Variants in SESTD1 observed in about 807,000 individuals in gnomAD.
SESTD1 encodes SEC14 and spectrin domain containing 1.
SESTD1 carries 43 observed loss-of-function variants against 101.7 expected under a neutral mutation model. That is an observed-to-expected ratio of 0.42 (90% CI 0.33 to 0.55). The LOEUF is 0.55. Among genes scored for constraint, SESTD1 ranks in the 20% least tolerant of loss-of-function variants. The pLI is 0.07. For synonymous variants in SESTD1, 283 were observed against 286.8 expected (o/e 0.99, Z 0.13); for missense variants, 647 against 815.1 (o/e 0.79, Z 2.51).
At chr2:179,254,600 C>T (rs912713657) in intron 1 of SESTD1, among the ~76,000 whole-genome samples, 20 of 152,332 alleles carry the variant, frequency 1.3e-4, no homozygotes, top group African/African-American at 4.8e-4. Context: ...AGTATCCTTT[C>T]CCACTAATCC....
At chr2:179,140,529 T>C (rs1338557468) in intron 9 of SESTD1, among the ~76,000 whole-genome samples, 2 of 152,164 alleles carry the variant, frequency 1.3e-5, no homozygotes, top group Non-Finnish European at 2.9e-5. Context: ...ATCTCAGAAC[T>C]GCAAGAAAAT....
chr2:179,234,845 T>C (rs1408000067), intron 1 of SESTD1, among the ~76,000 whole-genome samples: 1 of 151,916 alleles, frequency 6.6e-6, no homozygotes, highest in Non-Finnish European at 1.5e-5. Context: ...ACAGTGGCTT[T>C]TGTCTGTAAT....
chr2:179,146,154 C>A (rs987677646), intron 8 of SESTD1, among the ~76,000 whole-genome samples: 7 of 151,984 alleles, frequency 4.6e-5, no homozygotes, highest in African/African-American at 7.3e-5. Context: ...GCGAGGGATC[C>A]AGGTTGTGTG....
chr2:179,144,036 T>C (rs1207444418), intron 8 of SESTD1, among the ~76,000 whole-genome samples: 1 of 152,088 alleles, frequency 6.6e-6, no homozygotes, highest in Non-Finnish European at 1.5e-5. Context: ...AGATAGTATA[T>C]TAAAATGCTA....
Position 179,132,379 on chromosome 2 carries a change from C to G in SESTD1, c.897G>C (p.Gln299His), listed in dbSNP as rs761447241. Residue 299 changes from glutamine to histidine, a missense_variant, in exon 10 of 18, where the codon CAG (glutamine) becomes CAC (histidine). Coordinates refer to ENST00000428443, the MANE Select transcript of SESTD1 (RefSeq NM_178123.5). ...EGPGSEQLRA[Q>H]WGIGDSIRAS... ...CCCTAATGGAGTCTCCAATGCCCCA[C>G]TGGGCTCTTAGTTGTTCTGATCCAG... is the stretch of plus-strand genomic sequence containing the variant. The G allele has an allele frequency of 3.2e-6, 5 of 1,567,892 alleles. No homozygotes were observed. The highest frequency in any genetic ancestry group is 1.2e-5 in the South Asian group (1 of 82,826).
chr2:179,198,714 AT>A (rs1269730921), intron 1 of SESTD1, among the ~76,000 whole-genome samples: 2 of 152,080 alleles, frequency 1.3e-5, no homozygotes, highest in Non-Finnish European at 2.9e-5. Flanking sequence ...TACTGGGTAC[AT>A]AACGAAATGA....
At chr2:179,188,238 A>G (rs2046264182) in intron 2 of SESTD1, among the ~76,000 whole-genome samples, 1 of 152,236 alleles carries the variant, frequency 6.6e-6, no homozygotes, top group African/African-American at 2.4e-5. Context: ...ATACTCTCAG[A>G]TCACAGTGTA....
chr2:179,243,946 A>G (rs146190691), intron 1 of SESTD1, among the ~76,000 whole-genome samples: 1,830 of 117,366 alleles, frequency 0.016, 17 homozygotes, highest in African/African-American at 0.036. Context: ...ATGTGTGTGT[A>G]TATATATATA....
At chr2:179,141,507 T>C (rs527573701) in intron 9 of SESTD1, among the ~76,000 whole-genome samples, 279 of 118,324 alleles carry the variant, frequency 2.4e-3, no homozygotes, top group Non-Finnish European at 3.8e-3. Context: ...ATTGTAGACA[T>C]TTTTTTTTTT....
At chr2:179,149,936 G>T (rs1277540660) in intron 6 of SESTD1, among the ~76,000 whole-genome samples, 1 of 152,142 alleles carries the variant, frequency 6.6e-6, no homozygotes, top group African/African-American at 2.4e-5. Flanking sequence ...TTTTAAATAT[G>T]GTGGAAATAG....
chr2:179,226,787 G>C (rs1238993889), intron 1 of SESTD1, among the ~76,000 whole-genome samples: 1 of 152,198 alleles, frequency 6.6e-6, no homozygotes. Flanking sequence ...TGTTGGCTAT[G>C]TCATTTGAAT....
At chr2:179,198,399 C>G (rs1282169024) in intron 1 of SESTD1, among the ~76,000 whole-genome samples, 3 of 152,114 alleles carry the variant, frequency 2.0e-5, no homozygotes, top group African/African-American at 7.2e-5. Context: ...AGATCAATGA[C>G]ACAGAAAGCC....
At chr2:179,184,319 C>T (rs561548516) in intron 2 of SESTD1, among the ~76,000 whole-genome samples, 36 of 152,148 alleles carry the variant, frequency 2.4e-4, no homozygotes, top group African/African-American at 8.4e-4. Flanking sequence ...TCCACATGAT[C>T]GCTAGACATC....
intron 7 of SESTD1, among the ~76,000 whole-genome samples, chr2:179,149,059 C>CAAAAAAAAAAAAAAAAAA (rs66636048): frequency 3.3e-5 from 2 of 60,410 alleles, no homozygotes; most frequent in African/African-American, 1.1e-4. Context: ...GACTCCGTCT[C>CAAAAAAAAAAAAAAAAAA]AAAAAAAAAA....
chr2:179,171,662 G>A (rs1218464461), intron 5 of SESTD1, among the ~76,000 whole-genome samples: 2 of 152,004 alleles, frequency 1.3e-5, no homozygotes, highest in East Asian at 3.8e-4. Context: ...ATCACACAAG[G>A]AAAGTAAAAG....
chr2:179,176,102 G>A (rs541694578), intron 4 of SESTD1, among the ~76,000 whole-genome samples: 26 of 152,286 alleles, frequency 1.7e-4, no homozygotes, highest in South Asian at 4.1e-4. Context: ...GGGTGCAAGA[G>A]GGAGAATGAT....
intron 1 of SESTD1, among the ~76,000 whole-genome samples, chr2:179,194,658 G>A (rs1479057086): frequency 1.3e-5 from 2 of 152,090 alleles, no homozygotes; most frequent in Admixed American, 1.3e-4. Context: ...TTATCAAGAG[G>A]GAGACCACAG....
intron 1 of SESTD1, among the ~76,000 whole-genome samples, chr2:179,225,006 T>G (rs954825598): frequency 1.3e-5 from 2 of 148,208 alleles, no homozygotes; most frequent in Non-Finnish European, 2.9e-5. Context: ...TTATAGCCAG[T>G]CAGTCAGTAA....
At chr2:179,248,180 G>C (rs1478427787) in intron 1 of SESTD1, among the ~76,000 whole-genome samples, 1 of 151,944 alleles carries the variant, frequency 6.6e-6, no homozygotes, top group Non-Finnish European at 1.5e-5. Flanking sequence ...CACATTTTTA[G>C]ACTAAATGGG....
Sources: allele counts gnomAD v4.1 joint callset (sites outside exome capture counted in the v4.1 genomes callset), GRCh38; gene constraint gnomAD v4.1.1; transcripts MANE v1.5; gene names NCBI Gene and HGNC (gene_info 2026-07-23, HGNC 2026-07-21).